Variants in ANTXR2 observed in about 807,000 individuals in gnomAD.
ANTXR2 encodes the protein ANTXR cell adhesion molecule 2.
A neutral mutation model predicts 73.7 loss-of-function variants in ANTXR2; 44 were observed. That is an observed-to-expected ratio of 0.60 (90% CI 0.47 to 0.77). The LOEUF (loss-of-function observed/expected upper bound fraction) is 0.77, where lower values mean the gene tolerates loss of function less well. Among genes scored for constraint, ANTXR2 ranks in the 30% least tolerant of loss-of-function variants. The pLI, the probability that ANTXR2 is intolerant of heterozygous loss-of-function variation, is 0.00. For missense variants in ANTXR2, 604 were observed against 592.5 expected, an observed-to-expected ratio of 1.02 and a Z score of -0.20; for synonymous variants, 217 against 205.9, an observed-to-expected ratio of 1.05 and a Z score of -0.46.
intron 12 of ANTXR2, among the ~76,000 whole-genome samples, chr4:80,002,094 A>G (rs192390946): frequency 5.3e-5 from 8 of 152,282 alleles, no homozygotes; most frequent in Non-Finnish European, 1.0e-4. Context: ...AAGAGCCCGC[A>G]TCACCAAGTC....
chr4:79,945,524 G>A (rs774187605), intron 16 of ANTXR2, among the ~76,000 whole-genome samples: 14 of 151,842 alleles, frequency 9.2e-5, no homozygotes, highest in Non-Finnish European at 1.5e-4. Flanking sequence ...AATAAAGCAG[G>A]GAGTTTATAT....
chr4:79,936,438 T>G (rs1380389448), intron 16 of ANTXR2, among the ~76,000 whole-genome samples: 1 of 152,244 alleles, frequency 6.6e-6, no homozygotes, highest in African/African-American at 2.4e-5. Flanking sequence ...GTACTTCCTA[T>G]GCAAGTTTTC....
chr4:80,069,410 C>A, intron 3 of ANTXR2, 26 bp downstream of exon 3: 1 of 1,527,142 alleles, frequency 6.5e-7, no homozygotes, highest in Non-Finnish European at 9.0e-7. Context: ...TACTAAAAGC[C>A]TGCAGTGAAA....
In ANTXR2 at chr4:80,072,883, A is replaced by C; in HGVS notation, c.-323T>G. Reference sequence around the variant, plus strand: ...GCGGGCCCACGGCGACAGCTCGCGAAAGGAGTTCCTCTCCGGCCTGGGGCC... The same window carrying C: ...GCGGGCCCACGGCGACAGCTCGCGACAGGAGTTCCTCTCCGGCCTGGGGCC... On this transcript the variant is annotated 5_prime_UTR_variant, in exon 1 of 17. Coordinates refer to ENST00000403729, the MANE Select transcript of ANTXR2 (RefSeq NM_058172.6). The C allele has an allele frequency of 5.9e-6, 2 of 337,318 alleles. No homozygotes were observed. The highest frequency in any genetic ancestry group is 9.6e-4 in the Middle Eastern group (1 of 1,044). 20.9% of individuals were successfully genotyped at this position (337,318 alleles called of 1,614,324 possible).
Position 80,057,033 on chromosome 4 carries a change from C to CA in ANTXR2, c.297-1021dup, listed in dbSNP as rs202227898. Among the ~76,000 whole-genome samples the CA allele has an allele frequency of 1.1e-4, 17 of 151,292 alleles. No homozygotes were observed. The East Asian group carries it at 1.2e-3, about 10-fold the overall frequency. Reference sequence around the variant, plus strand: ...TGTTTTCAGACTTTTTCAATAGAAGCAAAAAAAATGCCTTTTTAAACTGGT... The same window carrying CA: ...TGTTTTCAGACTTTTTCAATAGAAGCAAAAAAAAATGCCTTTTTAAACTGGT... On this transcript the variant is annotated intron_variant, in intron 3 of 16. Transcript: ENST00000403729.
intron 16 of ANTXR2, among the ~76,000 whole-genome samples, chr4:79,962,270 A>G (rs529420904): frequency 6.6e-6 from 1 of 152,294 alleles, no homozygotes; most frequent in African/African-American, 2.4e-5. Flanking sequence ...AACATGCTAT[A>G]TGCACATTCA....
intron 3 of ANTXR2, 58 bp from the exon 4 acceptor site, chr4:80,056,071 A>G: frequency 1.6e-6 from 2 of 1,220,184 alleles, no homozygotes; most frequent in South Asian, 3.1e-5. Flanking sequence ...AACAATAAAC[A>G]CTTCTTAAAA....
At chr4:79,935,153 G>A (rs897231153) in intron 16 of ANTXR2, among the ~76,000 whole-genome samples, 5 of 150,224 alleles carry the variant, frequency 3.3e-5, no homozygotes, top group East Asian at 3.9e-4. Context: ...TTTGTAACAC[G>A]CCCTTAAAAT....
chr4:80,057,029 G>T (rs1335207359), intron 3 of ANTXR2, among the ~76,000 whole-genome samples: 1 of 151,632 alleles, frequency 6.6e-6, no homozygotes, highest in Non-Finnish European at 1.5e-5. Context: ...TTTTTCAATA[G>T]AAGCAAAAAA....
chr4:79,928,420 GT>G (rs1478172724), intron 16 of ANTXR2, among the ~76,000 whole-genome samples: 1 of 152,166 alleles, frequency 6.6e-6, no homozygotes, highest in Non-Finnish European at 1.5e-5. Flanking sequence ...GAAAAAGAGA[GT>G]TGGATAGTGG....
chr4:80,003,125 G>A (rs568278073), intron 12 of ANTXR2, among the ~76,000 whole-genome samples: 83 of 152,032 alleles, frequency 5.5e-4, no homozygotes, highest in Non-Finnish European at 8.2e-4. Context: ...TGTTTATTGC[G>A]GCACTACACA....
chr4:80,048,136 T>C (rs1467056127), intron 7 of ANTXR2, among the ~76,000 whole-genome samples: 2 of 151,366 alleles, frequency 1.3e-5, no homozygotes, highest in Non-Finnish European at 1.5e-5. Flanking sequence ...TTTTTAATGC[T>C]CCAATATACC....
rs188712774 is a variant in ANTXR2 at position 80,016,701 on chromosome 4, G to A, written c.945+2197C>T. 1.5e-4 allele frequency among the ~76,000 whole-genome samples: 23 copies of A among 152,284 alleles called. No individual in the cohort carries two copies. In the East Asian group the frequency reaches 4.4e-3, roughly 29 times the overall value. ...CTGAACTTCTCTTTGCTCTGAAACTGCTGTGCCTGATGACAATTCATCCTT... is the reference window on the plus strand; with the variant it reads ...CTGAACTTCTCTTTGCTCTGAAACTACTGTGCCTGATGACAATTCATCCTT... On this transcript the variant is annotated intron_variant, in intron 11 of 16. Transcript: ENST00000403729.
chr4:80,023,161 C>T (rs1732253254), intron 10 of ANTXR2, among the ~76,000 whole-genome samples: 1 of 152,092 alleles, frequency 6.6e-6, no homozygotes, highest in Admixed American at 6.6e-5. Context: ...CTGCTCACTG[C>T]CATATAAAAA....
chr4:79,946,380 CA>C (rs1273075305), intron 16 of ANTXR2, among the ~76,000 whole-genome samples: 1 of 152,086 alleles, frequency 6.6e-6, no homozygotes, highest in Non-Finnish European at 1.5e-5. Context: ...TAGGATTTGG[CA>C]AAAGGAGAAT....
intron 2 of ANTXR2, among the ~76,000 whole-genome samples, chr4:80,070,306 AG>A (rs752274765): frequency 2.6e-5 from 4 of 152,254 alleles, no homozygotes; most frequent in Non-Finnish European, 5.9e-5. Flanking sequence ...TTGAGCAACT[AG>A]GCTTGAGCCA....
chr4:80,048,184 A>G (rs1733611234), intron 7 of ANTXR2, among the ~76,000 whole-genome samples: 1 of 151,148 alleles, frequency 6.6e-6, no homozygotes, highest in Admixed American at 6.6e-5. Context: ...ATTTTCAAAA[A>G]CTTGCATAGA....
Position 80,072,610 on chromosome 4 carries a change from C to T in ANTXR2, c.-50G>A. The T allele has an allele frequency of 1.4e-6, 2 of 1,410,568 alleles. No homozygotes were observed. Among genetic ancestry groups the T allele is most frequent in the Non-Finnish European group, 1.8e-6 (2 of 1,082,166 alleles). The allele number at this position is 1,410,568 out of a possible 1,614,324, so 87.4% of individuals were successfully genotyped here. ...CCTCCCGCTCGCAGTCCCCTAAGCT[C>T]AGGAGGGTCGCAAAGGTGGCGGGAG... On this transcript the variant is annotated 5_prime_UTR_variant, in exon 1 of 17. Coordinates refer to ENST00000403729, the MANE Select transcript of ANTXR2 (RefSeq NM_058172.6).
intron 7 of ANTXR2, among the ~76,000 whole-genome samples, chr4:80,036,800 A>T (rs1220036477): frequency 6.6e-6 from 1 of 152,102 alleles, no homozygotes; most frequent in African/African-American, 2.4e-5. Flanking sequence ...ACAAATAAAT[A>T]AATTAAAATT....
Sources: gnomAD v4.1 joint callset for allele counts (sites outside exome capture counted in the v4.1 genomes callset) on GRCh38, gnomAD v4.1.1 for gene constraint, MANE v1.5 for transcripts, NCBI Gene and HGNC (gene_info 2026-07-23, HGNC 2026-07-21) for gene names.